BPTF: variants seen among roughly 807,000 people sequenced by gnomAD.
The protein encoded by BPTF is bromodomain PHD finger transcription factor, also known as nucleosome-remodeling factor subunit BPTF.
A neutral mutation model predicts 292.5 loss-of-function variants in BPTF; 18 were observed. That is an observed-to-expected ratio of 0.06 (90% CI 0.04 to 0.09). BPTF has a LOEUF of 0.09. Among genes scored for constraint, BPTF ranks in the 10% least tolerant of loss-of-function variants. The probability of loss-of-function intolerance (pLI) is 1.00; values close to 1 mark genes in which losing one functional copy is unlikely to be tolerated. For missense variants in BPTF, 2,726 were observed against 3,498.7 expected (o/e 0.78, Z 5.57); for synonymous variants, 1,225 against 1,251.9 (o/e 0.98, Z 0.45).
chr17:67,887,512 TA>T (rs2146132121), intron 4 of BPTF, among the ~76,000 whole-genome samples: 2 of 152,316 alleles, frequency 1.3e-5, no homozygotes, highest in South Asian at 4.1e-4. Flanking sequence ...CCCAAGAATA[TA>T]TATATGTTTT....
intron 3 of BPTF, among the ~76,000 whole-genome samples, chr17:67,870,229 A>G (rs906977116): frequency 2.6e-5 from 4 of 151,854 alleles, no homozygotes; most frequent in African/African-American, 9.7e-5. Flanking sequence ...TCTGGACCCC[A>G]AAAATGACAT....
intron 1 of BPTF, among the ~76,000 whole-genome samples, chr17:67,831,708 G>A (rs779523506): frequency 4.6e-5 from 7 of 152,210 alleles, no homozygotes; most frequent in Non-Finnish European, 8.8e-5. Context: ...TATTCTGGGT[G>A]ACACAGGAGC....
intron 26 of BPTF, among the ~76,000 whole-genome samples, chr17:67,967,104 T>A (rs1159584446): frequency 4.7e-5 from 7 of 148,120 alleles, no homozygotes; most frequent in East Asian, 2.0e-4. Flanking sequence ...CTCAAAAAAA[T>A]AAATAAATAA....
At chr17:67,884,650 A>C (rs1478737075) in intron 4 of BPTF, among the ~76,000 whole-genome samples, 4 of 152,012 alleles carry the variant, frequency 2.6e-5, no homozygotes, top group Non-Finnish European at 5.9e-5. Flanking sequence ...CCCTGACCTC[A>C]AGTGATCTGC....
Position 67,984,152 on chromosome 17 carries a change from AATT to A in BPTF, c.*1868_*1870del, listed in dbSNP as rs2070672324. 1 of 152,704 alleles carries A rather than the reference AATT, an allele frequency of 6.5e-6. No individual in the cohort carries two copies. Among genetic ancestry groups the A allele is most frequent in the Non-Finnish European group, 1.5e-5 (1 of 68,030 alleles). 9.5% of individuals were successfully genotyped at this position (152,704 alleles called of 1,614,324 possible). ...AATTCTACATTTTAATGAGTTATAAAATTATTCTGCATCTCATCACGTCACAGT... is the reference window on the plus strand; with the variant it reads ...AATTCTACATTTTAATGAGTTATAAAATTCTGCATCTCATCACGTCACAGT... On this transcript the variant is annotated 3_prime_UTR_variant, in exon 28 of 28. Coordinates refer to ENST00000306378, the MANE Select transcript of BPTF (RefSeq NM_182641.4).
intron 4 of BPTF, chr17:67,886,064 T>C (rs910025062): frequency 8.2e-7 from 1 of 1,224,864 alleles, no homozygotes; most frequent in African/African-American, 1.5e-5. Context: ...CAATTGTCTT[T>C]TCTGACAATT....
At chr17:67,899,834 T>C (rs983685800) in intron 7 of BPTF, among the ~76,000 whole-genome samples, 5 of 152,042 alleles carry the variant, frequency 3.3e-5, no homozygotes, top group African/African-American at 1.2e-4. Context: ...CGGCCTATGC[T>C]GAGTTTTCAA....
Position 67,891,941 on chromosome 17 carries a change from G to A in BPTF, c.1962G>A (p.Leu654=). ...GCTCAACTCGAATCATCACCAGATT[G>A]CGGAATCCAGATAGCAAACTTAGTC... is the stretch of plus-strand genomic sequence containing the variant. The part of the protein sequence containing the change: ...ASGSTRIITR[L]RNPDSKLSQL... The change falls in exon 5 of 28, where the codon TTG becomes TTA. Residue 654 remains leucine, a synonymous_variant. Coordinates refer to ENST00000306378, the MANE Select transcript of BPTF (RefSeq NM_182641.4). 6.2e-7 allele frequency: 1 copy of A among 1,613,006 alleles called. No homozygotes were observed. Among genetic ancestry groups the A allele is most frequent in the Non-Finnish European group, 8.5e-7 (1 of 1,179,612 alleles).
At chr17:67,868,094 T>C (rs2059494376) in intron 3 of BPTF, among the ~76,000 whole-genome samples, 1 of 152,240 alleles carries the variant, frequency 6.6e-6, no homozygotes, top group Non-Finnish European at 1.5e-5. Flanking sequence ...GGTTATAATA[T>C]AATTGGATAT....
intron 2 of BPTF, among the ~76,000 whole-genome samples, chr17:67,855,961 C>T (rs748471736): frequency 5.9e-5 from 9 of 152,228 alleles, no homozygotes; most frequent in Non-Finnish European, 1.0e-4. Context: ...TACAGTGATA[C>T]GCCCTTGTGT....
chr17:67,928,318 T>C (rs2064088229), intron 15 of BPTF, 37 bp from the exon 16 acceptor site: 3 of 1,566,788 alleles, frequency 1.9e-6, no homozygotes, highest in Middle Eastern at 1.7e-4. Flanking sequence ...TATTTAGAAC[T>C]ATTTTGATTC....
At chr17:67,827,064 GAA>G (rs2056139714) in intron 1 of BPTF, among the ~76,000 whole-genome samples, 1 of 152,204 alleles carries the variant, frequency 6.6e-6, no homozygotes, top group Admixed American at 6.5e-5. Flanking sequence ...ATCCGATTCA[GAA>G]TTATTTTGGT....
rs139147700 is a variant in BPTF, at chr17:67,972,343, C to A, written c.8540-3429C>A. Among the ~76,000 whole-genome samples, 1,196 of 152,232 alleles carry A rather than the reference C, an allele frequency of 7.9e-3. 22 individuals carry two copies. Among genetic ancestry groups the A allele is most frequent in the African/African-American group, 0.028 (1,145 of 41,544 alleles). On this transcript the variant is annotated intron_variant, in intron 26 of 27. Transcript: ENST00000306378. ...CTCTGCCACCCGGGTTCAACCGATT[C>A]TTCCACCTCAGCCTCCCAAGTAGCT...
chr17:67,888,878 T>C (rs750702855), intron 4 of BPTF, among the ~76,000 whole-genome samples: 2 of 152,176 alleles, frequency 1.3e-5, no homozygotes, highest in Non-Finnish European at 2.9e-5. Flanking sequence ...TTCTATAGGA[T>C]TAAACAATCA....
chr17:67,839,161 ATTGTGT>A (rs1567870190), intron 1 of BPTF, among the ~76,000 whole-genome samples: 118 of 152,026 alleles, frequency 7.8e-4, no homozygotes, highest in African/African-American at 2.8e-3. Context: ...AACAAATTGC[ATTGTGT>A]ACCACCTCCA....
chr17:67,898,703 A>G (rs2061616237), intron 7 of BPTF, among the ~76,000 whole-genome samples: 1 of 144,638 alleles, frequency 6.9e-6, no homozygotes, highest in Non-Finnish European at 1.5e-5. Flanking sequence ...CCAAATTATT[A>G]TGCCTTTTGG....
chr17:67,898,537 T>C (rs115589642), intron 7 of BPTF, among the ~76,000 whole-genome samples: 2,603 of 152,256 alleles, frequency 0.017, 66 homozygotes, highest in African/African-American at 0.055. Context: ...CTTGAATCTC[T>C]GACCTCAAGT....
intron 11 of BPTF, among the ~76,000 whole-genome samples, chr17:67,916,590 C>A (rs1345400550): frequency 6.6e-6 from 1 of 150,982 alleles, no homozygotes; most frequent in East Asian, 1.9e-4. Flanking sequence ...AACTCCGTCT[C>A]AAAAAAATAA....
chr17:67,956,258 G>A (rs1232819691), intron 23 of BPTF: 2 of 144,178 alleles, frequency 1.4e-5, no homozygotes, highest in Non-Finnish European at 3.0e-5. Flanking sequence ...GGCGGAGCTT[G>A]CAGTGAGCCG....
Sources: gnomAD v4.1 joint callset for allele counts (sites outside exome capture counted in the v4.1 genomes callset) on GRCh38, gnomAD v4.1.1 for gene constraint, MANE v1.5 for transcripts, NCBI Gene and HGNC (gene_info 2026-07-23, HGNC 2026-07-21) for gene names.